Variants in PCLO observed in about 807,000 individuals in gnomAD.
PCLO encodes piccolo presynaptic cytomatrix protein.
PCLO carries 82 observed loss-of-function variants against 427.5 expected under a neutral mutation model. The observed-to-expected ratio is 0.19, with a 90% CI of 0.16 to 0.23. The LOEUF is 0.23. Ranked by LOEUF, PCLO falls within the 10% of genes least tolerant of loss-of-function variation. PCLO has a pLI of 1.00. For missense variants in PCLO, 6,239 were observed against 6,115.9 expected, an observed-to-expected ratio of 1.02 and a Z score of -0.67; for synonymous variants, 2,357 against 2,155.4, an observed-to-expected ratio of 1.09 and a Z score of -2.59.
intron 2 of PCLO, among the ~76,000 whole-genome samples, chr7:83,138,968 A>G (rs1052324698): frequency 1.3e-5 from 2 of 152,180 alleles, no homozygotes; most frequent in Non-Finnish European, 2.9e-5. Context: ...CAGAACTTAA[A>G]GTATAATAAA....
chr7:82,903,758 T>C (rs1794116544), intron 8 of PCLO, among the ~76,000 whole-genome samples: 1 of 151,982 alleles, frequency 6.6e-6, no homozygotes, highest in African/African-American at 2.4e-5. Context: ...AAAAATTTCA[T>C]ATTACCTATT....
At chr7:83,031,816 T>G (rs980831346) in intron 3 of PCLO, among the ~76,000 whole-genome samples, 3 of 146,286 alleles carry the variant, frequency 2.1e-5, no homozygotes, top group Non-Finnish European at 4.5e-5. Flanking sequence ...TCAGACCCAC[T>G]AGAAAGAATA....
intron 3 of PCLO, among the ~76,000 whole-genome samples, chr7:83,022,334 G>A (rs1788365907): frequency 6.6e-6 from 1 of 152,162 alleles, no homozygotes; most frequent in Non-Finnish European, 1.5e-5. Flanking sequence ...TATTAGAGCA[G>A]CCTGAATGAA....
At chr7:83,099,564 T>G (rs1038037312) in intron 3 of PCLO, among the ~76,000 whole-genome samples, 1 of 151,928 alleles carries the variant, frequency 6.6e-6, no homozygotes, top group Non-Finnish European at 1.5e-5. Context: ...CATTTTTTTG[T>G]ATTTTTAGTA....
chr7:83,035,163 C>T (rs1438603323), intron 3 of PCLO, among the ~76,000 whole-genome samples: 1 of 152,164 alleles, frequency 6.6e-6, no homozygotes, highest in Non-Finnish European at 1.5e-5. Context: ...GTCACATTTG[C>T]TTCTGTTCCT....
rs1788861764 is a variant in PCLO at position 83,038,045 on chromosome 7, A to ATATT, written c.3301-71559_3301-71558insAATA. Among the ~76,000 whole-genome samples the ATATT allele has an allele frequency of 9.7e-4, 34 of 35,186 alleles. 2 individuals are homozygous for ATATT. Among genetic ancestry groups the ATATT allele is most frequent in the African/African-American group, 2.9e-3 (13 of 4,474 alleles). The allele number at this position is 35,186 out of a possible 152,430, so 23.1% of individuals were successfully genotyped here. Reference sequence around the variant, plus strand: ...TATATATATATTTATATATTTATATATATATCTTTATATATATATTTATAT... The same window carrying ATATT: ...TATATATATATTTATATATTTATATATATTTATATCTTTATATATATATTTATAT... On this transcript the variant is annotated intron_variant, in intron 3 of 24. Coordinates refer to ENST00000333891, the MANE Select transcript of PCLO (RefSeq NM_033026.6).
At chr7:82,816,186 G>A (rs1342710906) in intron 20 of PCLO, among the ~76,000 whole-genome samples, 1 of 152,052 alleles carries the variant, frequency 6.6e-6, no homozygotes, top group Non-Finnish European at 1.5e-5. Flanking sequence ...GAAATATTAT[G>A]GTTTACATGA....
rs116645395 is a variant in PCLO at position 82,982,184 on chromosome 7, A to T, written c.3301-15697T>A. On this transcript the variant is annotated intron_variant, in intron 3 of 24. Coordinates refer to ENST00000333891, the MANE Select transcript of PCLO (RefSeq NM_033026.6). The stretch of plus-strand genomic sequence containing the variant: ...CGTTATGTTAATAGAGATTAGAAGC[A>T]TGGTTGCTTATCACAGCAACCCCAA... Among the ~76,000 whole-genome samples, 388 of 152,252 alleles carry T rather than the reference A, an allele frequency of 2.5e-3. 1 individual carries two copies. The highest frequency in any genetic ancestry group is 9.0e-3 in the African/African-American group (374 of 41,570).
rs1395342574 is a variant in PCLO, at chr7:82,966,029, T to G, written c.3759A>C (p.Lys1253Asn). The change falls in exon 4 of 25, where the codon AAA (lysine) becomes AAC (asparagine). Residue 1253 changes from lysine (K) to asparagine (N), a missense_variant. Around this residue, in one of 5 missense-constraint regions of PCLO, gnomAD observed 4,677 missense variants for 4,468.4 expected, o/e 1.05. Transcript: ENST00000333891. ...GTTTCTGTTCTTCTGGGGCTGATGT[T>G]TTTGCCTCTGGGAGTAGCTTTTTGT... The part of the protein sequence containing the change: ...PEDKKLLPEA[K>N]TSAPEEQKHD... 1 of 1,613,360 alleles carries G rather than the reference T, an allele frequency of 6.2e-7. No homozygotes were observed. Among genetic ancestry groups the G allele is most frequent in the Admixed American group, 1.7e-5 (1 of 59,880 alleles).
At chr7:82,815,622 T>C (rs1402002995) in intron 20 of PCLO, among the ~76,000 whole-genome samples, 3 of 152,104 alleles carry the variant, frequency 2.0e-5, no homozygotes, top group East Asian at 1.9e-4. Flanking sequence ...TTAAGAACAA[T>C]ATGGTAGAAA....
chr7:82,949,838 T>G lies in PCLO; in HGVS notation c.10750A>C (p.Thr3584Pro), dbSNP rs1795291949. 1 of 1,613,660 alleles carries G rather than the reference T, an allele frequency of 6.2e-7. No individual in the cohort carries two copies. The highest frequency in any genetic ancestry group is 1.3e-5 in the African/African-American group (1 of 74,856). ...DTQSPQYLSA[T>P]SPPKDKKRPT... ...CGTTTCTTGTCTTTGGGTGGAGATG[T>G]GGCACTCAGATATTGAGGACTTTGT... Residue 3584 changes from threonine (T) to proline (P), a missense_variant, in exon 6 of 25, where the codon ACA becomes CCA. Thr to Pro is a conservative substitution (Grantham distance 38). Around this residue, in one of 5 missense-constraint regions of PCLO, gnomAD observed 4,677 missense variants for 4,468.4 expected, o/e 1.05. Transcript: ENST00000333891.
Position 83,135,324 on chromosome 7 carries a change from A to C in PCLO, c.2226T>G (p.Ser742=), listed in dbSNP as rs778177621. Residue 742 remains serine, a synonymous_variant, in exon 3 of 25, where the codon TCT becomes TCG. Transcript: ENST00000333891. ...CAGCAACAGGGGCCTTGTCCTGCTCAGATGGGACAGAAGGTTCTTTGGGAG... is the reference window on the plus strand; with the variant it reads ...CAGCAACAGGGGCCTTGTCCTGCTCCGATGGGACAGAAGGTTCTTTGGGAG... ...PAPPKEPSVP[S]EQDKAPVADD... The C allele has an allele frequency of 6.8e-6, 11 of 1,613,862 alleles. No individual in the cohort carries two copies. In the African/African-American group the frequency reaches 1.5e-4, roughly 22 times the overall value.
rs778647552 is a variant in PCLO at position 83,155,181 on chromosome 7, G to A, written c.1460C>T (p.Ala487Val). Residue 487 changes from alanine to valine, a missense_variant, in exon 2 of 25, where the codon GCA becomes GTA. Around this residue, in one of 5 missense-constraint regions of PCLO, gnomAD observed 4,677 missense variants for 4,468.4 expected, o/e 1.05. Coordinates refer to ENST00000333891, the MANE Select transcript of PCLO (RefSeq NM_033026.6). ...AKPPPQQPGP[A>V]KPPPQQPGSA... is the part of the protein sequence containing the mutation. ...GCCAGGCTGTTGAGGTGGGGGCTTTGCTGGGCCAGGCTGTTGAGGTGGGGG... is the reference window on the plus strand; with the variant it reads ...GCCAGGCTGTTGAGGTGGGGGCTTTACTGGGCCAGGCTGTTGAGGTGGGGG... The A allele has an allele frequency of 6.2e-6, 10 of 1,602,110 alleles. No individual in the cohort carries two copies. The highest frequency in any genetic ancestry group is 3.3e-5 in the South Asian group (3 of 90,630).
intron 16 of PCLO, among the ~76,000 whole-genome samples, chr7:82,831,921 T>G (rs1792102957): frequency 6.6e-6 from 1 of 152,124 alleles, no homozygotes; most frequent in Non-Finnish European, 1.5e-5. Flanking sequence ...CTAACACAAT[T>G]TAAAACTCTA....
chr7:83,138,724 T>C (rs1043633342), intron 2 of PCLO, among the ~76,000 whole-genome samples: 1 of 150,088 alleles, frequency 6.7e-6, no homozygotes, highest in African/African-American at 2.5e-5. Context: ...AACAAGTGAA[T>C]GCATAAGACA....
chr7:82,983,630 TG>T lies in PCLO; in HGVS notation c.3301-17144del, dbSNP rs577013362. Among the ~76,000 whole-genome samples the T allele has an allele frequency of 6.9e-4, 103 of 149,522 alleles. 6 individuals carry two copies. The South Asian group carries it at 0.021, about 31-fold the overall frequency. On this transcript the variant is annotated intron_variant, in intron 3 of 24. Coordinates refer to ENST00000333891, the MANE Select transcript of PCLO (RefSeq NM_033026.6). ...TTTTATATTTATTTATATTTATATA[TG>T]TATATATTATATAGTTATTTAAAAC...
At position 82,954,250 on chromosome 7, in the gene PCLO, T is replaced by A; in HGVS notation, c.6703A>T (p.Ser2235Cys). 6.2e-7 allele frequency: 1 copy of A among 1,613,800 alleles called. No individual in the cohort carries two copies. The highest frequency in any genetic ancestry group is 8.5e-7 in the Non-Finnish European group (1 of 1,179,808). Residue 2235 changes from serine to cysteine, a missense_variant, in exon 5 of 25, where the codon AGC (serine) becomes TGC (cysteine). Coordinates refer to ENST00000333891, the MANE Select transcript of PCLO (RefSeq NM_033026.6). The stretch of plus-strand genomic sequence containing the variant: ...ATTTCTTCTGGATAGTCTATAATGC[T>A]GCCTGGAAAATAAGTTGATGAAGAA... ...EISSSTYFPG[S>C]IIDYPEEISV...
At position 83,156,402 on chromosome 7, in the gene PCLO, T is replaced by C; in HGVS notation, c.249-10A>G. On this transcript the variant is annotated splice_polypyrimidine_tract_variant and intron_variant, in intron 1 of 24. Coordinates refer to ENST00000333891, the MANE Select transcript of PCLO (RefSeq NM_033026.6). ...ATCCAACTCTTGTTTCCTAGAAGAG[T>C]TAAAAAAAAAAAAAAAAATCAAGTG... is the stretch of plus-strand genomic sequence containing the variant. 3 of 1,281,854 alleles carry C rather than the reference T, an allele frequency of 2.3e-6. No individual in the cohort carries two copies. The highest frequency in any genetic ancestry group is 3.0e-6 in the Non-Finnish European group (3 of 986,374). 79.4% of individuals were successfully genotyped at this position (1,281,854 alleles called of 1,614,324 possible).
intron 6 of PCLO, among the ~76,000 whole-genome samples, chr7:82,929,567 A>ATG (rs1170496103): frequency 6.6e-6 from 1 of 152,198 alleles, no homozygotes; most frequent in Non-Finnish European, 1.5e-5. Flanking sequence ...CTGATACATA[A>ATG]GATCAATGCT....
Sources: gnomAD v4.1 joint callset for allele counts (sites outside exome capture counted in the v4.1 genomes callset) on GRCh38, gnomAD v4.1.1 for gene constraint, gnomAD v4.1.1 regional missense constraint, MANE v1.5 for transcripts, NCBI Gene and HGNC (gene_info 2026-07-23, HGNC 2026-07-21) for gene names.